The following NPEPL1 variants were observed in gnomAD, a reference collection of about 807,000 sequenced individuals.
The protein encoded by NPEPL1 is probable aminopeptidase NPEPL1.
In NPEPL1, 45 loss-of-function variants were observed where a neutral mutation model predicts 52.4. The ratio of observed to expected loss-of-function variants is 0.86; its 90% CI spans 0.68 to 1.10. The LOEUF is 1.10. Among genes scored for constraint, NPEPL1 ranks in the 50% least tolerant of loss-of-function variants. NPEPL1 has a pLI of 0.00. For missense variants in NPEPL1, 696 were observed against 710.9 expected (o/e 0.98, Z 0.24); for synonymous variants, 360 against 314.7 (o/e 1.14, Z -1.52).
At chr20:58,710,107 C>T (rs564967900) in intron 7 of NPEPL1, among the ~76,000 whole-genome samples, 5 of 139,884 alleles carry the variant, frequency 3.6e-5, no homozygotes, top group African/African-American at 5.7e-5. Flanking sequence ...GGTGCGATCT[C>T]GGCTCACTGC....
rs1340195549 is a variant in NPEPL1, at chr20:58,707,108, TTG to T, written c.823-13_823-12del. 2 of 1,550,506 alleles carry T rather than the reference TTG, an allele frequency of 1.3e-6. No individual in the cohort carries two copies. Among genetic ancestry groups the T allele is most frequent in the Non-Finnish European group, 1.7e-6 (2 of 1,146,908 alleles). ...ACAGCTCACCTTTGTCCTGGTCCCT[TTG>T]TACCACCCGCAGACTACCATGCCGG... On this transcript the variant is annotated splice_polypyrimidine_tract_variant and intron_variant, in intron 6 of 11. Coordinates refer to ENST00000356091, the MANE Select transcript of NPEPL1 (RefSeq NM_024663.4).
chr20:58,712,471 C>A lies in NPEPL1; in HGVS notation c.901-8C>A. The A allele has an allele frequency of 6.2e-7, 1 of 1,605,696 alleles. No homozygotes were observed. Among genetic ancestry groups the A allele is most frequent in the Non-Finnish European group, 8.5e-7 (1 of 1,172,764 alleles). The stretch of plus-strand genomic sequence containing the variant: ...ACAACTGGAGCCTCTGCCCACTTCT[C>A]CCTCCAGGGTTTCAAAGACAACCTC... On this transcript the variant is annotated splice_region_variant and splice_polypyrimidine_tract_variant and intron_variant, in intron 7 of 11. Transcript: ENST00000356091.
chr20:58,705,645 A>G, intron 6 of NPEPL1: 1 of 438,912 alleles, frequency 2.3e-6, no homozygotes, highest in South Asian at 1.6e-5. Flanking sequence ...TAAAAACAGA[A>G]ACAACATATG....
intron 7 of NPEPL1, among the ~76,000 whole-genome samples, chr20:58,708,200 A>C (rs537787469): frequency 2.6e-5 from 4 of 152,360 alleles, no homozygotes; most frequent in African/African-American, 9.6e-5. Context: ...ATGGAAAAAC[A>C]AAAAGGCCTT....
At chr20:58,712,098 CCT>C (rs1491161912) in intron 7 of NPEPL1, among the ~76,000 whole-genome samples, 16 of 112,970 alleles carry the variant, frequency 1.4e-4, no homozygotes, top group East Asian at 5.4e-4. Context: ...TCTTCCTGCC[CCT>C]CTGTGTGTGT....
chr20:58,715,249 G>C lies in NPEPL1; in HGVS notation c.1495G>C (p.Val499Leu), dbSNP rs770244903. The change falls in exon 12 of 12, where the codon GTG (valine) becomes CTG (leucine). Residue 499 changes from valine (V) to leucine (L), a missense_variant. Transcript: ENST00000356091. Reference protein sequence around the residue: ...RASEDPLLNLVSPLGCEVDVE... With the variant: ...RASEDPLLNLLSPLGCEVDVE... ...CTCTGAGGACCCTCTGCTGAACCTG[G>C]TGTCCCCACTGGGCTGTGAGGTGGA... is the stretch of plus-strand genomic sequence containing the variant. The C allele has an allele frequency of 8.7e-6, 14 of 1,610,696 alleles. No individual in the cohort carries two copies. In the Admixed American group the frequency reaches 2.3e-4, roughly 27 times the overall value.
At chr20:58,715,075 C>T (rs992304970) in intron 11 of NPEPL1, 93 bp from the exon 12 acceptor site, 13 of 1,379,020 alleles carry the variant, frequency 9.4e-6, no homozygotes, top group African/African-American at 2.9e-5. Flanking sequence ...CTGTGGGGCA[C>T]GTGGAGGGGA....
At chr20:58,704,378 C>T (rs2084697317) in intron 6 of NPEPL1, 1 of 985,210 alleles carries the variant, frequency 1.0e-6, no homozygotes. Flanking sequence ...TACTGGAGAC[C>T]CCTTTACGCT....
In NPEPL1 at chr20:58,699,548, C is replaced by T. The variant is rs114725785; in HGVS notation, c.679+270C>T. Among the ~76,000 whole-genome samples the T allele has an allele frequency of 7.1e-3, 1,081 of 152,356 alleles. 16 individuals are homozygous for T. Among genetic ancestry groups the T allele is most frequent in the African/African-American group, 0.025 (1,039 of 41,584 alleles). ...CTGCCTGCAGCCTCTCCAGCGTCCT[C>T]GCGTGCTGCACACCCTTACTCCTGG... On this transcript the variant is annotated intron_variant, in intron 5 of 11. Coordinates refer to ENST00000356091, the MANE Select transcript of NPEPL1 (RefSeq NM_024663.4).
upstream of NPEPL1, chr20:58,691,688 CTTTTCTTTTTTTTTTTTTTTT>C: frequency 1.4e-6 from 1 of 696,550 alleles, no homozygotes; most frequent in Non-Finnish European, 2.1e-6. Flanking sequence ...TTCTTTTTTT[CTTTTCTTTTTTTTTTTTTTTT>C]TTTTTCATTT....
intron 3 of NPEPL1, among the ~76,000 whole-genome samples, chr20:58,695,013 A>G (rs116980250): frequency 9.5e-3 from 10 of 1,056 alleles, no homozygotes; most frequent in Admixed American, 0.014. Flanking sequence ...TGCATGTGTG[A>G]TGTGTGTGTG....
At position 58,713,531 on chromosome 20, in the gene NPEPL1, G is replaced by A. The variant is rs371833805; in HGVS notation, c.1113G>A (p.Leu371=). 1.2e-6 allele frequency: 2 copies of A among 1,606,950 alleles called. No homozygotes were observed. The highest frequency in any genetic ancestry group is 1.7e-6 in the Non-Finnish European group (2 of 1,176,162). ...ACATCATCCTGGACATGGCCACCCT[G>A]ACCGGGGCTCAGGTGAGTGCTCCCT... ...GADIILDMAT[L]TGAQGIATGK... The change falls in exon 9 of 12, where the codon CTG becomes CTA. Residue 371 remains leucine, a synonymous_variant. Coordinates refer to ENST00000356091, the MANE Select transcript of NPEPL1 (RefSeq NM_024663.4). The surrounding 1 kb of genome is among the most constrained non-coding windows in gnomAD (Gnocchi z 4.6).
At chr20:58,712,035 CTT>C (rs1017562801) in intron 7 of NPEPL1, among the ~76,000 whole-genome samples, 1 of 152,246 alleles carries the variant, frequency 6.6e-6, no homozygotes, top group Admixed American at 6.5e-5. Flanking sequence ...GAACAAATGA[CTT>C]TTGGCATCAG....
chr20:58,695,076 TGTGGTGTAC>T (rs2084444633), intron 3 of NPEPL1, among the ~76,000 whole-genome samples: 1 of 134,794 alleles, frequency 7.4e-6, no homozygotes, highest in African/African-American at 2.8e-5. Flanking sequence ...GAGTGGTGTG[TGTGGTGTAC>T]GTGTGGTATG....
chr20:58,701,504 G>T (rs539545716), intron 6 of NPEPL1, among the ~76,000 whole-genome samples: 1 of 152,176 alleles, frequency 6.6e-6, no homozygotes, highest in South Asian at 2.1e-4. Context: ...GGGTTCCCAT[G>T]TGCTGAGGCG....
intron 3 of NPEPL1, among the ~76,000 whole-genome samples, chr20:58,695,977 A>T (rs1472255672): frequency 6.6e-6 from 1 of 151,946 alleles, no homozygotes; most frequent in Non-Finnish European, 1.5e-5. Context: ...CATCCCCTTC[A>T]TGGCCTCTCC....
chr20:58,691,919 G>A (rs1338798334), upstream of NPEPL1: 1 of 861,352 alleles, frequency 1.2e-6, no homozygotes, highest in Non-Finnish European at 1.9e-6. Context: ...CCCTGTGGGT[G>A]GGACCCTCCG....
Position 58,713,132 on chromosome 20 carries a change from T to C in NPEPL1, c.1002-288T>C. On this transcript the variant is annotated intron_variant, in intron 8 of 11. Transcript: ENST00000356091. The surrounding 1 kb of genome is among the most constrained non-coding windows in gnomAD (Gnocchi z 4.6). ...GCTGAAGGCCAGCCCAGCCGGTTCA[T>C]GCCACCCACTTTACAGAAGAAGAAA... The C allele has an allele frequency of 2.4e-6, 1 of 420,054 alleles. No individual in the cohort carries two copies. Among genetic ancestry groups the C allele is most frequent in the Non-Finnish European group, 4.4e-6 (1 of 228,198 alleles). 26.0% of individuals were successfully genotyped at this position (420,054 alleles called of 1,614,324 possible). A position where few individuals can be genotyped will look rare whatever the true frequency, so the allele number is the denominator to read the frequency against.
Position 58,713,568 on chromosome 20 carries a change from TTAGCTG to T in NPEPL1, c.1125+29_1125+34del. ...GGTGAGTGCTCCCTGGATCCACCCC[TTAGCTG>T]TAGTCCCAGGGAACCCCACCCCACT... On this transcript the variant is annotated intron_variant, in intron 9 of 11. Transcript: ENST00000356091. This position sits in a 1 kb window ranked among gnomAD's most constrained non-coding sequence, Gnocchi z 4.6. 3 of 1,568,794 alleles carry T rather than the reference TTAGCTG, an allele frequency of 1.9e-6. No homozygotes were observed. Among genetic ancestry groups the T allele is most frequent in the Non-Finnish European group, 2.6e-6 (3 of 1,151,996 alleles).
Sources: gnomAD v4.1 joint callset for allele counts (sites outside exome capture counted in the v4.1 genomes callset) on GRCh38, gnomAD v4.1.1 for gene constraint, Gnocchi (gnomAD v3.1) non-coding constraint, MANE v1.5 for transcripts, NCBI Gene and HGNC (gene_info 2026-07-23, HGNC 2026-07-21) for gene names.